NLGN1: variants seen among roughly 807,000 people sequenced by gnomAD.
The protein encoded by NLGN1 is neuroligin-1.
In NLGN1, 12 loss-of-function variants were observed where a neutral mutation model predicts 65.5. The ratio of observed to expected loss-of-function variants is 0.18; its 90% CI spans 0.12 to 0.30. The LOEUF is 0.30. Ranked by LOEUF, NLGN1 falls within the 10% of genes least tolerant of loss-of-function variation. The pLI, the probability that NLGN1 is intolerant of heterozygous loss-of-function variation, is 1.00. For missense variants in NLGN1, 750 were observed against 1,007.1 expected (o/e 0.74, Z 3.46); for synonymous variants, 350 against 359.5 (o/e 0.97, Z 0.30).
intron 2 of NLGN1, among the ~76,000 whole-genome samples, chr3:173,458,010 A>G (rs1222405199): frequency 6.6e-6 from 1 of 152,076 alleles, no homozygotes; most frequent in Non-Finnish European, 1.5e-5. Flanking sequence ...TATTAAGGAG[A>G]CAGTCCAGAG....
intron 2 of NLGN1, among the ~76,000 whole-genome samples, chr3:173,448,925 T>C (rs1005071820): frequency 6.6e-6 from 1 of 152,224 alleles, no homozygotes; most frequent in Non-Finnish European, 1.5e-5. Flanking sequence ...TTTTCATTTT[T>C]TATTGCATCT....
At chr3:174,019,583 A>G (rs888470918) in intron 4 of NLGN1, among the ~76,000 whole-genome samples, 1 of 152,180 alleles carries the variant, frequency 6.6e-6, no homozygotes, top group Admixed American at 6.6e-5. Context: ...TTGCAAGTAA[A>G]TACTGTTAAA....
intron 3 of NLGN1, among the ~76,000 whole-genome samples, chr3:173,637,540 T>C (rs975619768): frequency 6.6e-6 from 1 of 152,320 alleles, no homozygotes; most frequent in Non-Finnish European, 1.5e-5. Flanking sequence ...AATGGCAGCA[T>C]GCTTATTTAA....
chr3:173,604,876 G>A lies in NLGN1; in HGVS notation c.278G>A (p.Arg93His), dbSNP rs749776633. Residue 93 changes from arginine (R) to histidine (H), a missense_variant, in exon 3 of 7, where the codon CGT becomes CAT. Arg to His is a conservative substitution (Grantham distance 29). Coordinates refer to ENST00000457714, the Ensembl canonical transcript of NLGN1. ...TATGCAGCCCCACCAACAGGGGAAC[G>A]TCGTTTTCAGCCTCCAGAACCACCA... 32 of 1,613,462 alleles carry A rather than the reference G, an allele frequency of 2.0e-5. No individual in the cohort carries two copies. The highest frequency in any genetic ancestry group is 6.7e-5 in the East Asian group (3 of 44,850).
intron 2 of NLGN1, among the ~76,000 whole-genome samples, chr3:173,539,821 T>TACATATGTATATATGTA (rs1225873387): frequency 7.4e-6 from 1 of 135,654 alleles, no homozygotes; most frequent in Non-Finnish European, 1.5e-5. Context: ...TATACATATG[T>TACATATGTATATATGTA]TATATATGTA....
Position 173,835,298 on chromosome 3 carries a change from T to C in NLGN1, c.646+27466T>C, listed in dbSNP as rs114434473. Among the ~76,000 whole-genome samples, 1,298 of 152,240 alleles carry C rather than the reference T, an allele frequency of 8.5e-3. 10 individuals carry two copies. The highest frequency in any genetic ancestry group is 0.038 in the East Asian group (195 of 5,168). On this transcript the variant is annotated intron_variant, in intron 4 of 6. Coordinates refer to ENST00000457714, the Ensembl canonical transcript of NLGN1. The stretch of plus-strand genomic sequence containing the variant: ...TCATATAAGAAATAATAATTATGCA[T>C]TGATAGTGCATAGACAAGTACAACA...
At chr3:173,498,689 A>G (rs960927865) in intron 2 of NLGN1, among the ~76,000 whole-genome samples, 1 of 151,718 alleles carries the variant, frequency 6.6e-6, no homozygotes, top group African/African-American at 2.4e-5. Context: ...AAGTGTTCCT[A>G]TTTCTTCACA....
At chr3:174,135,510 T>C (rs946776603) in intron 4 of NLGN1, among the ~76,000 whole-genome samples, 19 of 152,148 alleles carry the variant, frequency 1.2e-4, no homozygotes, top group Admixed American at 5.2e-4. Context: ...CACAGATAAA[T>C]CTTTGAAATA....
chr3:174,020,458 C>A (rs367955322), intron 4 of NLGN1, among the ~76,000 whole-genome samples: 4 of 151,934 alleles, frequency 2.6e-5, no homozygotes, highest in African/African-American at 9.7e-5. Context: ...TTACTTCTTA[C>A]TTTATATTTT....
At chr3:173,448,755 A>G (rs1172375048) in intron 2 of NLGN1, among the ~76,000 whole-genome samples, 1 of 152,172 alleles carries the variant, frequency 6.6e-6, no homozygotes, top group East Asian at 1.9e-4. Flanking sequence ...TTATTGGTCT[A>G]TTCAGAGATT....
At chr3:173,482,500 T>G (rs1284664750) in intron 2 of NLGN1, among the ~76,000 whole-genome samples, 6 of 151,996 alleles carry the variant, frequency 3.9e-5, no homozygotes, top group African/African-American at 1.2e-4. Context: ...TTTTCCTGCT[T>G]CTGTAAATTA....
intron 1 of NLGN1, among the ~76,000 whole-genome samples, chr3:173,432,377 T>A (rs547381380): frequency 1.3e-5 from 2 of 152,330 alleles, no homozygotes; most frequent in South Asian, 2.1e-4. Flanking sequence ...TTCCACCTCC[T>A]TGCCAGCATT....
At chr3:173,565,723 A>G (rs1416988610) in intron 2 of NLGN1, among the ~76,000 whole-genome samples, 1 of 152,178 alleles carries the variant, frequency 6.6e-6, no homozygotes, top group African/African-American at 2.4e-5. Flanking sequence ...ATAAAGGTAA[A>G]CCAATTTATA....
intron 3 of NLGN1, among the ~76,000 whole-genome samples, chr3:173,681,894 C>G (rs1165803903): frequency 6.6e-6 from 1 of 152,180 alleles, no homozygotes; most frequent in East Asian, 1.9e-4. Flanking sequence ...ATTCATTTAA[C>G]TACCCTAGTC....
intron 4 of NLGN1, among the ~76,000 whole-genome samples, chr3:174,253,820 T>A (rs544423146): frequency 6.6e-6 from 1 of 152,280 alleles, no homozygotes; most frequent in South Asian, 2.1e-4. Flanking sequence ...TTAGCTGCTG[T>A]AGTAATTCCA....
chr3:174,003,902 G>A (rs963368714), intron 4 of NLGN1, among the ~76,000 whole-genome samples: 68 of 152,078 alleles, frequency 4.5e-4, no homozygotes, highest in Non-Finnish European at 8.8e-4. Flanking sequence ...GATATGTAAC[G>A]CATTTAATCA....
intron 3 of NLGN1, among the ~76,000 whole-genome samples, chr3:173,787,289 C>T (rs1010255337): frequency 4.6e-5 from 7 of 152,130 alleles, no homozygotes; most frequent in Non-Finnish European, 8.8e-5. Flanking sequence ...ACAGCTGTTT[C>T]TATCTTTCTA....
chr3:173,534,455 A>G (rs1042768945), intron 2 of NLGN1, among the ~76,000 whole-genome samples: 9 of 152,144 alleles, frequency 5.9e-5, no homozygotes, highest in South Asian at 2.1e-4. Context: ...TCTGTCTTCA[A>G]TCATTTCTTT....
chr3:174,056,465 T>G (rs1324838979), intron 4 of NLGN1, among the ~76,000 whole-genome samples: 6 of 152,164 alleles, frequency 3.9e-5, no homozygotes, highest in African/African-American at 1.4e-4. Flanking sequence ...ACAGACCTAT[T>G]TGTTACTTTT....
Sources: gnomAD v4.1 joint callset for allele counts (sites outside exome capture counted in the v4.1 genomes callset) on GRCh38, gnomAD v4.1.1 for gene constraint, MANE v1.5 for transcripts, NCBI Gene and HGNC (gene_info 2026-07-23, HGNC 2026-07-21) for gene names.